The following CORO2B variants were observed in gnomAD, a reference collection of about 807,000 sequenced individuals.
CORO2B encodes coronin 2B.
In CORO2B, 26 loss-of-function variants were observed where a neutral mutation model predicts 58.8. The observed-to-expected ratio is 0.44, with a 90% CI of 0.32 to 0.61. The LOEUF is 0.61. Ranked by LOEUF, CORO2B falls within the 20% of genes least tolerant of loss-of-function variation. The pLI, the probability that CORO2B is intolerant of heterozygous loss-of-function variation, is 0.04. For synonymous variants in CORO2B, 242 were observed against 253.8 expected (o/e 0.95, Z 0.44); for missense variants, 460 against 645.1 (o/e 0.71, Z 3.11).
chr15:68,533,610 A>G, the CORO2B span, among the ~76,000 whole-genome samples: 1 of 152,230 alleles, frequency 6.6e-6, no homozygotes, highest in Non-Finnish European at 1.5e-5. Flanking sequence ...AGAGAAGTCA[A>G]ACCTGAGGCT....
intron 11 of CORO2B, among the ~76,000 whole-genome samples, chr15:68,720,552 C>T (rs79191642): frequency 0.17 from 26,151 of 152,188 alleles, 2,765 homozygotes; most frequent in Non-Finnish European, 0.23. Flanking sequence ...CAAGTTCACT[C>T]ATGTGGTTGC....
At chr15:68,719,795 T>C (rs1462213693) in intron 11 of CORO2B, among the ~76,000 whole-genome samples, 1 of 152,232 alleles carries the variant, frequency 6.6e-6, no homozygotes, top group Non-Finnish European at 1.5e-5. Flanking sequence ...CCCACAGTTA[T>C]GCATCTCCTC....
chr15:68,721,446 C>CTGTAA (rs1893157872), intron 11 of CORO2B, among the ~76,000 whole-genome samples: 1 of 152,122 alleles, frequency 6.6e-6, no homozygotes, highest in Admixed American at 6.5e-5. Context: ...TAGCTCATGC[C>CTGTAA]TGTAATCCCA....
chr15:68,665,064 T>A (rs1243615633), intron 2 of CORO2B, among the ~76,000 whole-genome samples: 1 of 152,214 alleles, frequency 6.6e-6, no homozygotes, highest in Non-Finnish European at 1.5e-5. Context: ...TTCTCTGAGA[T>A]TATAAAGAAG....
chr15:68,682,288 C>G (rs540400307), intron 2 of CORO2B, among the ~76,000 whole-genome samples: 1 of 152,144 alleles, frequency 6.6e-6, no homozygotes, highest in Non-Finnish European at 1.5e-5. Flanking sequence ...CTCTGGAGTT[C>G]GAGAAGAGAC....
At chr15:68,539,151 A>G in the CORO2B span, among the ~76,000 whole-genome samples, 1 of 152,220 alleles carries the variant, frequency 6.6e-6, no homozygotes, top group Non-Finnish European at 1.5e-5. Flanking sequence ...GCTGGGCTCT[A>G]GAGAAGCCAC....
intron 1 of CORO2B, among the ~76,000 whole-genome samples, chr15:68,644,660 A>G (rs985767534): frequency 6.6e-6 from 1 of 152,178 alleles, no homozygotes; most frequent in African/African-American, 2.4e-5. Context: ...AGGGGATGAC[A>G]GTGGATGGGG....
the CORO2B span, among the ~76,000 whole-genome samples, chr15:68,534,839 C>T: frequency 2.0e-5 from 3 of 152,152 alleles, no homozygotes; most frequent in Non-Finnish European, 4.4e-5. Flanking sequence ...GCCTCACAAT[C>T]GTGGCGGAAG....
intron 5 of CORO2B, among the ~76,000 whole-genome samples, chr15:68,713,062 A>G (rs768474305): frequency 7.9e-5 from 12 of 152,174 alleles, no homozygotes; most frequent in Admixed American, 2.6e-4. Context: ...AACTTACCTG[A>G]TGCCGAGGAC....
At chr15:68,713,451 A>G (rs1381050375) in intron 5 of CORO2B, among the ~76,000 whole-genome samples, 1 of 152,190 alleles carries the variant, frequency 6.6e-6, no homozygotes, top group African/African-American at 2.4e-5. Context: ...CTGCTGTAAC[A>G]AATGCCCACA....
intron 11 of CORO2B, among the ~76,000 whole-genome samples, chr15:68,722,455 A>G (rs528341553): frequency 6.6e-6 from 1 of 152,352 alleles, no homozygotes; most frequent in African/African-American, 2.4e-5. Flanking sequence ...TGAGGAAACA[A>G]CTGACAGCTT....
At chr15:68,565,655 C>T in the CORO2B span, among the ~76,000 whole-genome samples, 34 of 152,238 alleles carry the variant, frequency 2.2e-4, no homozygotes, top group East Asian at 2.5e-3. Flanking sequence ...GTATAGTGGA[C>T]GGGATGACCC....
chr15:68,652,158 G>A (rs993845358), intron 2 of CORO2B, among the ~76,000 whole-genome samples: 1 of 152,212 alleles, frequency 6.6e-6, no homozygotes, highest in African/African-American at 2.4e-5. Context: ...AAACAGATAA[G>A]TTCTGGCTGG....
At chr15:68,715,797 G>A (rs576446103) in intron 8 of CORO2B, among the ~76,000 whole-genome samples, 14 of 152,326 alleles carry the variant, frequency 9.2e-5, no homozygotes, top group African/African-American at 3.4e-4. Context: ...AACCCAGAGA[G>A]GGCTCTGGGA....
the CORO2B span, among the ~76,000 whole-genome samples, chr15:68,540,639 C>T: frequency 6.6e-6 from 1 of 152,216 alleles, no homozygotes; most frequent in Admixed American, 6.5e-5. Context: ...TTTTGTCACA[C>T]TGAGTTAGAA....
At chr15:68,609,941 G>T (rs543690632) in intron 1 of CORO2B, among the ~76,000 whole-genome samples, 1 of 152,270 alleles carries the variant, frequency 6.6e-6, no homozygotes, top group East Asian at 1.9e-4. Flanking sequence ...TGGCCAGCTA[G>T]CCCATCCCCA....
intron 1 of CORO2B, among the ~76,000 whole-genome samples, chr15:68,582,408 C>G (rs1406178922): frequency 6.6e-6 from 1 of 152,170 alleles, no homozygotes; most frequent in Non-Finnish European, 1.5e-5. Flanking sequence ...CAAGGTGCTG[C>G]CTCCTCTCAG....
chr15:68,710,618 A>C lies in CORO2B; in HGVS notation c.334-114A>C. 8.0e-7 allele frequency: 1 copy of C among 1,253,348 alleles called. No individual in the cohort carries two copies. Among genetic ancestry groups the C allele is most frequent in the Non-Finnish European group, 1.1e-6 (1 of 942,362 alleles). The allele number at this position is 1,253,348 out of a possible 1,614,324, so 77.6% of individuals were successfully genotyped here. On this transcript the variant is annotated intron_variant, in intron 3 of 11. Coordinates refer to ENST00000261861, the MANE Select transcript of CORO2B (RefSeq NM_006091.5). This position sits in a 1 kb window ranked among gnomAD's most constrained non-coding sequence, Gnocchi z 4.1. ...GCTTTGCCCATCGCCTCAAGCCAGG[A>C]GGTGGCTCATCAGGCAGATCTCAGA...
chr15:68,690,446 A>T (rs537408094), intron 2 of CORO2B, among the ~76,000 whole-genome samples: 10 of 152,112 alleles, frequency 6.6e-5, no homozygotes, highest in Non-Finnish European at 1.3e-4. Flanking sequence ...CTGGCTCCCT[A>T]TTATGGAAAA....
Sources: gnomAD v4.1 joint callset for allele counts (sites outside exome capture counted in the v4.1 genomes callset) on GRCh38, gnomAD v4.1.1 for gene constraint, Gnocchi (gnomAD v3.1) non-coding constraint, MANE v1.5 for transcripts, NCBI Gene and HGNC (gene_info 2026-07-23, HGNC 2026-07-21) for gene names.